The following ALDH6A1 variants were observed in gnomAD, a reference collection of about 807,000 sequenced individuals.
ALDH6A1 encodes aldehyde dehydrogenase 6 family member A1, also known as methylmalonate-semialdehyde/malonate-semialdehyde dehydrogenase [acylating], mitochondrial.
ALDH6A1 carries 43 observed loss-of-function variants against 62.6 expected under a neutral mutation model. The ratio of observed to expected loss-of-function variants is 0.69; its 90% confidence interval spans 0.54 to 0.89. ALDH6A1 has a LOEUF of 0.89. Ranked by LOEUF, ALDH6A1 falls within the 40% of genes least tolerant of loss-of-function variation. The pLI, the probability that ALDH6A1 is intolerant of heterozygous loss-of-function variation, is 0.00. For missense variants in ALDH6A1, 551 were observed against 661.3 expected, an observed-to-expected ratio of 0.83 and a Z score of 1.83; for synonymous variants, 194 against 234.2, an observed-to-expected ratio of 0.83 and a Z score of 1.57.
intron 11 of ALDH6A1, among the ~76,000 whole-genome samples, chr14:74,060,963 A>T (rs2060326090): frequency 6.6e-6 from 1 of 152,002 alleles, no homozygotes; most frequent in Non-Finnish European, 1.5e-5. Context: ...CATCATTATT[A>T]TGCTGAAACT....
At chr14:74,074,911 T>C (rs562751551) in intron 2 of ALDH6A1, 44 bp downstream of exon 2, 1 of 1,585,640 alleles carries the variant, frequency 6.3e-7, no homozygotes, top group Non-Finnish European at 8.7e-7. Flanking sequence ...AAAACTATAC[T>C]GAATTCCTTC....
intron 11 of ALDH6A1, among the ~76,000 whole-genome samples, chr14:74,061,382 A>G (rs1822782586): frequency 6.6e-6 from 1 of 151,770 alleles, no homozygotes; most frequent in South Asian, 2.1e-4. Flanking sequence ...GCTCACTGCA[A>G]CCTCTGCCTC....
intron 11 of ALDH6A1, among the ~76,000 whole-genome samples, chr14:74,063,290 G>T (rs896591609): frequency 6.6e-6 from 1 of 151,712 alleles, no homozygotes; most frequent in Non-Finnish European, 1.5e-5. Context: ...AGATTCAAAG[G>T]ATTCTTCTGC....
chr14:74,068,971 A>G lies in ALDH6A1; in HGVS notation c.741T>C (p.Phe247=), dbSNP rs1467146851. ...IIHGQHEAVN[F]ICDHPDIKAI... ...CTTTGATGTCCGGATGATCGCAAAT[A>G]AAATTTACAGCTTTAAGAAGAAAAT... Residue 247 remains phenylalanine, a synonymous_variant, in exon 7 of 12, where the codon TTT becomes TTC. Transcript: ENST00000553458. 1.9e-6 allele frequency: 3 copies of G among 1,613,900 alleles called. No homozygotes were observed. Among genetic ancestry groups the G allele is most frequent in the East Asian group, 2.2e-5 (1 of 44,884 alleles).
In ALDH6A1 at chr14:74,060,719, T is replaced by A. The variant is rs764727338; in HGVS notation, c.1531A>T (p.Thr511Ser). 6.2e-7 allele frequency: 1 copy of A among 1,613,440 alleles called. No homozygotes were observed. The change falls in exon 12 of 12, where the codon ACC becomes TCC. Residue 511 changes from threonine to serine, a missense_variant. Thr to Ser is a moderately conservative substitution (Grantham distance 58). Transcript: ENST00000553458. Reference protein sequence around the residue: ...QGIQFYTQLKTITSQWKEEDA... With the variant: ...QGIQFYTQLKSITSQWKEEDA... ...TCTTCTTTCCACTGAGAAGTAATGG[T>A]CTTTAACTGAGTGTAGAATTGGATG...
rs1159551651 is a variant in ALDH6A1 at position 74,071,498 on chromosome 14, C to G, written c.428-1G>C. 6.2e-7 allele frequency: 1 copy of G among 1,613,800 alleles called. No homozygotes were observed. Among genetic ancestry groups the G allele is most frequent in the South Asian group, 1.1e-5 (1 of 91,042 alleles). Reference sequence around the variant, plus strand: ...ACACTACAGGCATGCTCAACCACCTCTGGAACACAGAAGTCAGGCCATCAG... The same window carrying G: ...ACACTACAGGCATGCTCAACCACCTGTGGAACACAGAAGTCAGGCCATCAG... On this transcript the variant is annotated splice_acceptor_variant, in intron 5 of 11. Transcript: ENST00000553458. LOFTEE classifies it high-confidence loss of function.
chr14:74,062,436 T>C (rs2060367356), intron 11 of ALDH6A1, among the ~76,000 whole-genome samples: 1 of 152,092 alleles, frequency 6.6e-6, no homozygotes, highest in Non-Finnish European at 1.5e-5. Flanking sequence ...ACCCCGTCTC[T>C]ACTACAAATA....
intron 2 of ALDH6A1, among the ~76,000 whole-genome samples, chr14:74,073,295 G>A (rs981318898): frequency 1.3e-5 from 2 of 151,796 alleles, no homozygotes; most frequent in Non-Finnish European, 2.9e-5. Context: ...TGATAGAGAC[G>A]GGGTTTGGCC....
chr14:74,057,953 G>T lies in ALDH6A1; in HGVS notation c.*2689C>A. ...TAAGGAAAATGTTAGGAATCTCTGT[G>T]ACTACATTTAATTCCACTTGGAATA... On this transcript the variant is annotated 3_prime_UTR_variant, in exon 12 of 12. Coordinates refer to ENST00000553458, the MANE Select transcript of ALDH6A1 (RefSeq NM_005589.4). 1 of 934,184 alleles carries T rather than the reference G, an allele frequency of 1.1e-6. No individual in the cohort carries two copies. Among genetic ancestry groups the T allele is most frequent in the Middle Eastern group, 5.4e-4 (1 of 1,842 alleles). 57.9% of individuals were successfully genotyped at this position (934,184 alleles called of 1,614,324 possible). A position where few individuals can be genotyped will look rare whatever the true frequency, so the allele number is the denominator to read the frequency against.
intron 11 of ALDH6A1, 83 bp downstream of exon 11, chr14:74,064,739 C>G (rs1350231957): frequency 6.2e-7 from 1 of 1,612,250 alleles, no homozygotes; most frequent in African/African-American, 1.3e-5. Context: ...GCTGGCAGTC[C>G]CTTCCTTGCA....
chr14:74,066,959 T>C, intron 8 of ALDH6A1, 73 bp from the exon 9 acceptor site: 1 of 1,459,470 alleles, frequency 6.9e-7, no homozygotes, highest in South Asian at 1.2e-5. Context: ...CTCATGCCTG[T>C]AATCCCAAAG....
intron 11 of ALDH6A1, among the ~76,000 whole-genome samples, chr14:74,063,507 C>T (rs2060393102): frequency 6.6e-6 from 1 of 151,752 alleles, no homozygotes; most frequent in South Asian, 2.1e-4. Flanking sequence ...TCAGTCCTTA[C>T]AATGTTATGA....
At chr14:74,063,906 C>G (rs532817050) in intron 11 of ALDH6A1, among the ~76,000 whole-genome samples, 1 of 151,580 alleles carries the variant, frequency 6.6e-6, no homozygotes, top group African/African-American at 2.4e-5. Flanking sequence ...CAAAGTCAGA[C>G]AGCTAATAAC....
intron 2 of ALDH6A1, among the ~76,000 whole-genome samples, chr14:74,074,506 C>T (rs915496590): frequency 1.4e-5 from 2 of 147,584 alleles, no homozygotes; most frequent in African/African-American, 2.5e-5. Context: ...AGGATGGTCT[C>T]GATCTCTTGA....
chr14:74,078,246 C>G (rs1026736695), intron 1 of ALDH6A1: 1 of 455,990 alleles, frequency 2.2e-6, no homozygotes, highest in Admixed American at 2.3e-5. Flanking sequence ...ACTAGCAAAC[C>G]TACAAAACTG....
intron 1 of ALDH6A1, chr14:74,081,008 GCT>G (rs1361611631): frequency 2.6e-5 from 4 of 152,146 alleles, no homozygotes; most frequent in Non-Finnish European, 5.9e-5. Flanking sequence ...TGCACATGCT[GCT>G]CTCTCTTGCC....
At chr14:74,081,832 T>C (rs991511252) in intron 1 of ALDH6A1, among the ~76,000 whole-genome samples, 1 of 152,172 alleles carries the variant, frequency 6.6e-6, no homozygotes, top group African/African-American at 2.4e-5. Context: ...TGGCAAGACT[T>C]AAGTTCTGAA....
intron 7 of ALDH6A1, 39 bp from the exon 8 acceptor site, chr14:74,067,608 C>T: frequency 6.2e-7 from 1 of 1,601,178 alleles, no homozygotes. Context: ...TCTTCCTTGG[C>T]CAAATACAAC....
At chr14:74,069,190 C>T (rs200053576) in intron 6 of ALDH6A1, 16 of 446,774 alleles carry the variant, frequency 3.6e-5, no homozygotes, top group Admixed American at 6.9e-5. Context: ...CTGCAACCTC[C>T]GCCTCCCAGG....
Sources: allele counts gnomAD v4.1 joint callset (sites outside exome capture counted in the v4.1 genomes callset), GRCh38; gene constraint gnomAD v4.1.1; transcripts MANE v1.5; gene names NCBI Gene and HGNC (gene_info 2026-07-23, HGNC 2026-07-21).